Variants in KIRREL3 observed in about 807,000 individuals in gnomAD.
KIRREL3 encodes the protein kin of IRRE-like protein 3.
In KIRREL3, 36 loss-of-function variants were observed where a neutral mutation model predicts 89.7. The observed-to-expected ratio is 0.40, with a 90% CI of 0.31 to 0.53. KIRREL3 has a LOEUF of 0.53. Among genes scored for constraint, KIRREL3 ranks in the 20% least tolerant of loss-of-function variants. The probability of loss-of-function intolerance (pLI) is 0.49; values close to 1 mark genes in which losing one functional copy is unlikely to be tolerated. For synonymous variants in KIRREL3, 445 were observed against 441.4 expected (o/e 1.01, Z -0.10); for missense variants, 864 against 1,056.6 (o/e 0.82, Z 2.53).
At chr11:126,929,018 T>G (rs1161213616) in intron 1 of KIRREL3, among the ~76,000 whole-genome samples, 2 of 151,952 alleles carry the variant, frequency 1.3e-5, no homozygotes, top group Admixed American at 6.6e-5. Flanking sequence ...AAATCAGAGA[T>G]AGAAAGACAG....
rs1194006550 is a variant in KIRREL3, at chr11:126,685,070, G to T, written c.56-122158C>A. ...CTGTAGATGCTGGAGTGGAAAGGCA[G>T]GTTGGAGGAAATACAAAGATGAAGG... is the stretch of plus-strand genomic sequence containing the variant. On this transcript the variant is annotated intron_variant, in intron 1 of 16. Transcript: ENST00000525144. This position sits in a 1 kb window ranked among gnomAD's most constrained non-coding sequence, Gnocchi z 5.5. Among the ~76,000 whole-genome samples, 4 of 152,292 alleles carry T rather than the reference G, an allele frequency of 2.6e-5. No homozygotes were observed. Among genetic ancestry groups the T allele is most frequent in the Middle Eastern group, 6.8e-3 (2 of 294 alleles).
rs1356552451 is a variant in KIRREL3 at position 126,867,621 on chromosome 11, C to T, written c.55+132834G>A. Among the ~76,000 whole-genome samples the T allele has an allele frequency of 6.6e-6, 1 of 152,136 alleles. No homozygotes were observed. ...TTAATACATTTCACCGAATGATTAC[C>T]GAGTGCCATGCCCCATCAGGATGTG... is the stretch of plus-strand genomic sequence containing the variant. On this transcript the variant is annotated intron_variant, in intron 1 of 16. Transcript: ENST00000525144. This position sits in a 1 kb window ranked among gnomAD's most constrained non-coding sequence, Gnocchi z 4.7.
At chr11:126,509,407 A>G (rs1482387250) in intron 4 of KIRREL3, among the ~76,000 whole-genome samples, 6 of 152,014 alleles carry the variant, frequency 3.9e-5, no homozygotes. Context: ...TGTGTTGAAC[A>G]CTCACTGCCT....
At position 126,891,809 on chromosome 11, in the gene KIRREL3, C is replaced by T. The variant is rs1784328; in HGVS notation, c.55+108646G>A. Among the ~76,000 whole-genome samples the T allele has an allele frequency of 1.7e-3, 253 of 152,342 alleles. 4 individuals are homozygous for T. Among genetic ancestry groups the T allele is most frequent in the South Asian group, 4.6e-3 (22 of 4,822 alleles). On this transcript the variant is annotated intron_variant, in intron 1 of 16. Transcript: ENST00000525144. The surrounding 1 kb of genome is among the most constrained non-coding windows in gnomAD (Gnocchi z 5.1). ...CAGCAGCAGTGGACACAATCCAGGA[C>T]TTCCCAGTGAGGTCTGTCTTTTCTT...
At position 126,773,706 on chromosome 11, in the gene KIRREL3, T is replaced by C. The variant is rs1257909131; in HGVS notation, c.56-210794A>G. On this transcript the variant is annotated intron_variant, in intron 1 of 16. Transcript: ENST00000525144. This position sits in a 1 kb window ranked among gnomAD's most constrained non-coding sequence, Gnocchi z 4.2. The stretch of plus-strand genomic sequence containing the variant: ...GTGTGTGTGTGTTTGTGTGTGTGTT[T>C]TCCTGTGAGCTCCTTGGAGGCTGGG... 1.3e-5 allele frequency among the ~76,000 whole-genome samples: 2 copies of C among 152,200 alleles called. No homozygotes were observed. The highest frequency in any genetic ancestry group is 2.9e-5 in the Non-Finnish European group (2 of 68,032).
At position 126,771,426 on chromosome 11, in the gene KIRREL3, T is replaced by C. The variant is rs1027990725; in HGVS notation, c.56-208514A>G. On this transcript the variant is annotated intron_variant, in intron 1 of 16. Transcript: ENST00000525144. The surrounding 1 kb of genome is among the most constrained non-coding windows in gnomAD (Gnocchi z 4.4). ...TGTGCCCTGCCTGGAATCTCCTTCA[T>C]GGTATTTAAAGCTGTTATTAATTAT... Among the ~76,000 whole-genome samples the C allele has an allele frequency of 6.6e-6, 1 of 152,224 alleles. No homozygotes were observed. Among genetic ancestry groups the C allele is most frequent in the East Asian group, 1.9e-4 (1 of 5,196 alleles).
In KIRREL3 at chr11:126,946,435, A is replaced by G. The variant is rs548765627; in HGVS notation, c.55+54020T>C. On this transcript the variant is annotated intron_variant, in intron 1 of 16. Coordinates refer to ENST00000525144, the MANE Select transcript of KIRREL3 (RefSeq NM_032531.4). This position sits in a 1 kb window ranked among gnomAD's most constrained non-coding sequence, Gnocchi z 4.1. ...TCAGCTTCTTCATTAATAAAATGCT[A>G]TTAGACTTTATTTACACACAGTTGA... Among the ~76,000 whole-genome samples the G allele has an allele frequency of 3.3e-5, 5 of 152,338 alleles. No homozygotes were observed. The South Asian group carries it at 8.3e-4, about 25-fold the overall frequency.
At chr11:126,738,994 A>G (rs57238825) in intron 1 of KIRREL3, among the ~76,000 whole-genome samples, 2,294 of 152,324 alleles carry the variant, frequency 0.015, 42 homozygotes, top group African/African-American at 0.051. Flanking sequence ...GATATATATT[A>G]TCTAATTCTC....
intron 1 of KIRREL3, among the ~76,000 whole-genome samples, chr11:126,632,069 A>G (rs1828248155): frequency 6.6e-6 from 1 of 152,200 alleles, no homozygotes; most frequent in Admixed American, 6.5e-5. Context: ...GCCATCACAT[A>G]GATTACTGGG....
rs562465953 is a variant in KIRREL3 at position 126,970,292 on chromosome 11, C to A, written c.55+30163G>T. Reference sequence around the variant, plus strand: ...TTAATTTGAGCTTTCTCAGGAAGTTCTCTTCTTTTCCTTCTTTTCTTCCCT... The same window carrying A: ...TTAATTTGAGCTTTCTCAGGAAGTTATCTTCTTTTCCTTCTTTTCTTCCCT... On this transcript the variant is annotated intron_variant, in intron 1 of 16. Coordinates refer to ENST00000525144, the MANE Select transcript of KIRREL3 (RefSeq NM_032531.4). The surrounding 1 kb of genome is among the most constrained non-coding windows in gnomAD (Gnocchi z 4.4). Among the ~76,000 whole-genome samples, 7 of 152,208 alleles carry A rather than the reference C, an allele frequency of 4.6e-5. No homozygotes were observed. The highest frequency in any genetic ancestry group is 1.5e-5 in the Non-Finnish European group (1 of 67,988).
chr11:126,960,688 T>C (rs1377869842), intron 1 of KIRREL3, among the ~76,000 whole-genome samples: 1 of 152,164 alleles, frequency 6.6e-6, no homozygotes, highest in Non-Finnish European at 1.5e-5. Context: ...GATCTTACTT[T>C]TGAAGAACTC....
At chr11:126,438,768 T>G (rs1246433568) in intron 11 of KIRREL3, among the ~76,000 whole-genome samples, 1 of 152,278 alleles carries the variant, frequency 6.6e-6, no homozygotes, top group Non-Finnish European at 1.5e-5. Context: ...GTGAATGAAC[T>G]GAATGCTTGA....
At chr11:126,947,591 C>T (rs572755398) in intron 1 of KIRREL3, among the ~76,000 whole-genome samples, 19 of 152,184 alleles carry the variant, frequency 1.2e-4, no homozygotes, top group South Asian at 4.1e-4. Context: ...TATGTGCACA[C>T]GGAACATATA....
chr11:126,855,462 G>T (rs911462465), intron 1 of KIRREL3, among the ~76,000 whole-genome samples: 11 of 152,168 alleles, frequency 7.2e-5, no homozygotes, highest in Non-Finnish European at 1.2e-4. Context: ...GCAGAATTGT[G>T]AGTCAACAAA....
Position 126,623,535 on chromosome 11 carries a change from T to A in KIRREL3, c.56-60623A>T, listed in dbSNP as rs1053909256. On this transcript the variant is annotated intron_variant, in intron 1 of 16. Transcript: ENST00000525144. The surrounding 1 kb of genome is among the most constrained non-coding windows in gnomAD (Gnocchi z 4.1). The stretch of plus-strand genomic sequence containing the variant: ...CCACTGGAATGATCAGAAAAACGTC[T>A]GTGTGAATCTTGCATGATGGAAGAG... Among the ~76,000 whole-genome samples the A allele has an allele frequency of 2.6e-5, 4 of 152,126 alleles. No individual in the cohort carries two copies. Among genetic ancestry groups the A allele is most frequent in the Non-Finnish European group, 4.4e-5 (3 of 68,034 alleles).
chr11:126,899,107 T>C (rs1946274321), intron 1 of KIRREL3, among the ~76,000 whole-genome samples: 1 of 152,010 alleles, frequency 6.6e-6, no homozygotes, highest in African/African-American at 2.4e-5. Flanking sequence ...ACAAACTAAC[T>C]GACTCACAAG....
At position 126,566,353 on chromosome 11, in the gene KIRREL3, ACT is replaced by A. The variant is rs1231683760; in HGVS notation, c.56-3443_56-3442del. 6.6e-6 allele frequency among the ~76,000 whole-genome samples: 1 copy of A among 152,168 alleles called. No individual in the cohort carries two copies. Among genetic ancestry groups the A allele is most frequent in the Non-Finnish European group, 1.5e-5 (1 of 68,030 alleles). ...ACCCTTGGGAACTCCTGGCCTCTGG[ACT>A]CTGAGCAACTGAAGTGTCAGGACTG... On this transcript the variant is annotated intron_variant, in intron 1 of 16. Coordinates refer to ENST00000525144, the MANE Select transcript of KIRREL3 (RefSeq NM_032531.4). This position sits in a 1 kb window ranked among gnomAD's most constrained non-coding sequence, Gnocchi z 4.9.
chr11:126,927,144 G>A (rs570351299), intron 1 of KIRREL3, among the ~76,000 whole-genome samples: 3 of 152,334 alleles, frequency 2.0e-5, no homozygotes, highest in Admixed American at 6.5e-5. Context: ...TTGTCCAGAA[G>A]GTTCTAAGGA....
rs1324950560 is a variant in KIRREL3, at chr11:126,676,943, C to A, written c.56-114031G>T. Among the ~76,000 whole-genome samples the A allele has an allele frequency of 6.6e-6, 1 of 151,996 alleles. No individual in the cohort carries two copies. Among genetic ancestry groups the A allele is most frequent in the Non-Finnish European group, 1.5e-5 (1 of 68,022 alleles). On this transcript the variant is annotated intron_variant, in intron 1 of 16. Coordinates refer to ENST00000525144, the MANE Select transcript of KIRREL3 (RefSeq NM_032531.4). The surrounding 1 kb of genome is among the most constrained non-coding windows in gnomAD (Gnocchi z 4.5). ...GGGACTACAGGCATGCACCACCACACCACGCTAATTTTTAAAAAATTTTTT... is the reference window on the plus strand; with the variant it reads ...GGGACTACAGGCATGCACCACCACAACACGCTAATTTTTAAAAAATTTTTT...
Sources: allele counts gnomAD v4.1 joint callset (sites outside exome capture counted in the v4.1 genomes callset), GRCh38; gene constraint gnomAD v4.1.1; non-coding constraint Gnocchi (gnomAD v3.1); transcripts MANE v1.5; gene names NCBI Gene and HGNC (gene_info 2026-07-23, HGNC 2026-07-21).